Variants in NRG2 observed in about 807,000 individuals in gnomAD.
NRG2 encodes the protein neuregulin 2.
In NRG2, 27 loss-of-function variants were observed where a neutral mutation model predicts 73.9. The observed-to-expected ratio is 0.37, with a 90% CI of 0.27 to 0.50. The LOEUF (loss-of-function observed/expected upper bound fraction) is 0.50. Ranked by LOEUF, NRG2 falls within the 20% of genes least tolerant of loss-of-function variation. The probability of loss-of-function intolerance (pLI) is 0.96; values close to 1 mark genes in which losing one functional copy is unlikely to be tolerated. For missense variants in NRG2, 1,126 were observed against 1,210.1 expected (o/e 0.93, Z 1.03); for synonymous variants, 532 against 541.0 (o/e 0.98, Z 0.23).
chr5:139,886,347 G>A (rs1763869890), intron 2 of NRG2, among the ~76,000 whole-genome samples: 1 of 152,190 alleles, frequency 6.6e-6, no homozygotes, highest in Non-Finnish European at 1.5e-5. Context: ...GCAAACCCAA[G>A]CAGCCTGCCC....
At chr5:139,878,359 G>A (rs1763313708) in intron 3 of NRG2, among the ~76,000 whole-genome samples, 1 of 152,230 alleles carries the variant, frequency 6.6e-6, no homozygotes, top group Admixed American at 6.5e-5. Flanking sequence ...CCTTGTGACT[G>A]TACTTATGGA....
chr5:139,889,551 T>C (rs1484518352), intron 1 of NRG2, among the ~76,000 whole-genome samples: 1 of 152,222 alleles, frequency 6.6e-6, no homozygotes, highest in East Asian at 1.9e-4. Flanking sequence ...TCAGTTTTTC[T>C]TACAGCATCA....
chr5:140,024,028 A>G (rs1760460364), intron 1 of NRG2, among the ~76,000 whole-genome samples: 1 of 152,036 alleles, frequency 6.6e-6, no homozygotes, highest in South Asian at 2.1e-4. Context: ...ACAGACGTAA[A>G]ACTGACATCC....
chr5:139,904,058 C>T lies in NRG2; in HGVS notation c.701-16547G>A, dbSNP rs1483962731. Among the ~76,000 whole-genome samples, 1 of 152,194 alleles carries T rather than the reference C, an allele frequency of 6.6e-6. No homozygotes were observed. Among genetic ancestry groups the T allele is most frequent in the Non-Finnish European group, 1.5e-5 (1 of 68,024 alleles). On this transcript the variant is annotated intron_variant, in intron 1 of 9. Coordinates refer to ENST00000361474, the MANE Select transcript of NRG2 (RefSeq NM_004883.3). This position sits in a 1 kb window ranked among gnomAD's most constrained non-coding sequence, Gnocchi z 6.0. Reference sequence around the variant, plus strand: ...GTACCGGCGTGCAGCGCCTCTTGCCCGCCCCTGCGTGGGGACGCGGCCGCC... The same window carrying T: ...GTACCGGCGTGCAGCGCCTCTTGCCTGCCCCTGCGTGGGGACGCGGCCGCC...
intron 1 of NRG2, among the ~76,000 whole-genome samples, chr5:139,892,944 A>G (rs1764310276): frequency 1.3e-5 from 2 of 152,198 alleles, no homozygotes; most frequent in African/African-American, 4.8e-5. Flanking sequence ...CCAGACAGAA[A>G]TGATCCGCTG....
chr5:139,892,498 T>C (rs1364314294), intron 1 of NRG2, among the ~76,000 whole-genome samples: 2 of 152,194 alleles, frequency 1.3e-5, no homozygotes. Context: ...CAGACATTTA[T>C]GCATCCAGAG....
intron 1 of NRG2, among the ~76,000 whole-genome samples, chr5:139,926,039 G>T (rs888941844): frequency 1.3e-5 from 2 of 152,266 alleles, no homozygotes; most frequent in African/African-American, 4.8e-5. Context: ...CAATGTGGCT[G>T]TTGCAGCCTC....
chr5:139,977,316 G>A (rs1451034340), intron 1 of NRG2, among the ~76,000 whole-genome samples: 3 of 152,074 alleles, frequency 2.0e-5, no homozygotes, highest in African/African-American at 7.2e-5. Flanking sequence ...TGCTATAGAG[G>A]GGAATGATTA....
At chr5:139,937,882 C>G (rs1646431816) in intron 1 of NRG2, among the ~76,000 whole-genome samples, 1 of 152,076 alleles carries the variant, frequency 6.6e-6, no homozygotes, top group South Asian at 2.1e-4. Context: ...AAAACTCTTA[C>G]ACATACATTA....
At position 139,963,635 on chromosome 5, in the gene NRG2, C is replaced by T. The variant is rs578009166; in HGVS notation, c.701-76124G>A. Among the ~76,000 whole-genome samples the T allele has an allele frequency of 2.0e-5, 3 of 152,318 alleles. No homozygotes were observed. In the South Asian group the frequency reaches 6.2e-4, roughly 32 times the overall value. On this transcript the variant is annotated intron_variant, in intron 1 of 9. Transcript: ENST00000361474. ...TTTTCTTATTTGGTCTTCACAAGCA[C>T]CCTGTAGGTTATAGAAGAGGAAACT...
At chr5:139,890,335 G>A (rs1764125889) in intron 1 of NRG2, among the ~76,000 whole-genome samples, 1 of 152,052 alleles carries the variant, frequency 6.6e-6, no homozygotes, top group African/African-American at 2.4e-5. Flanking sequence ...TCATCCTAGT[G>A]ATTTGTAAGA....
intron 1 of NRG2, among the ~76,000 whole-genome samples, chr5:139,933,520 A>G (rs1752630115): frequency 6.6e-6 from 1 of 152,242 alleles, no homozygotes; most frequent in South Asian, 2.1e-4. Flanking sequence ...TAATAATAGA[A>G]GAGTCAATTC....
chr5:140,042,461 C>T lies in NRG2; in HGVS notation c.609G>A (p.Gln203=), dbSNP rs765089724. Reference sequence around the variant, plus strand: ...CAAAGGCCGTCTTAAAGACTAAGGGCTGTTCCGTGGGCTCCAGGAAAAAGA... The same window carrying T: ...CAAAGGCCGTCTTAAAGACTAAGGGTTGTTCCGTGGGCTCCAGGAAAAAGA... The part of the protein sequence containing the change: ...RYIFFLEPTE[Q]PLVFKTAFAP... The change falls in exon 1 of 10, where the codon CAG becomes CAA. Residue 203 remains glutamine (Q), a synonymous_variant. Transcript: ENST00000361474. The T allele has an allele frequency of 1.9e-6, 3 of 1,613,188 alleles. No homozygotes were observed. Among genetic ancestry groups the T allele is most frequent in the Non-Finnish European group, 2.5e-6 (3 of 1,179,692 alleles).
intron 1 of NRG2, among the ~76,000 whole-genome samples, chr5:140,029,003 G>A (rs1012425907): frequency 6.6e-6 from 1 of 152,200 alleles, no homozygotes; most frequent in Non-Finnish European, 1.5e-5. Flanking sequence ...TTATATGCTT[G>A]ACATGTCAGA....
chr5:140,020,572 G>C (rs1760139639), intron 1 of NRG2, among the ~76,000 whole-genome samples: 1 of 152,218 alleles, frequency 6.6e-6, no homozygotes. Context: ...GGACACATAT[G>C]TTCAAGCTAA....
intron 1 of NRG2, among the ~76,000 whole-genome samples, chr5:139,970,147 A>T (rs996693083): frequency 3.2e-4 from 49 of 152,320 alleles, no homozygotes; most frequent in Non-Finnish European, 2.5e-4. Flanking sequence ...GTATTACAAG[A>T]AGGCCTAAGA....
At position 140,035,561 on chromosome 5, in the gene NRG2, T is replaced by C. The variant is rs187254788; in HGVS notation, c.700+6809A>G. 2.0e-4 allele frequency among the ~76,000 whole-genome samples: 30 copies of C among 152,352 alleles called. 1 individual carries two copies. The East Asian group carries it at 5.4e-3, about 27-fold the overall frequency. On this transcript the variant is annotated intron_variant, in intron 1 of 9. Coordinates refer to ENST00000361474, the MANE Select transcript of NRG2 (RefSeq NM_004883.3). ...AAGAAAGTTATTTTTGTAATAAAAC[T>C]TTTGGGATACCAAATTGCATCACTG...
In NRG2 at chr5:139,887,233, G is replaced by T; in HGVS notation, c.872+107C>A. The T allele has an allele frequency of 7.6e-7, 1 of 1,315,074 alleles. No homozygotes were observed. Among genetic ancestry groups the T allele is most frequent in the Non-Finnish European group, 1.1e-6 (1 of 931,014 alleles). 81.5% of individuals were successfully genotyped at this position (1,315,074 alleles called of 1,614,324 possible). A position where few individuals can be genotyped will look rare whatever the true frequency, so the allele number is the denominator to read the frequency against. On this transcript the variant is annotated intron_variant, in intron 2 of 9. Coordinates refer to ENST00000361474, the MANE Select transcript of NRG2 (RefSeq NM_004883.3). This position sits in a 1 kb window ranked among gnomAD's most constrained non-coding sequence, Gnocchi z 4.5. ...GGAGAGGGGCTGGGACTGGTTCCAT[G>T]GGTGAGTCTGGGGGCACAGCCCTGG... is the stretch of plus-strand genomic sequence containing the variant.
intron 1 of NRG2, among the ~76,000 whole-genome samples, chr5:140,032,875 C>T (rs767963017): frequency 3.2e-4 from 49 of 152,212 alleles, no homozygotes; most frequent in Non-Finnish European, 6.2e-4. Context: ...GAAGAACCCC[C>T]AAATATATTA....
Sources: gnomAD v4.1 joint callset for allele counts (sites outside exome capture counted in the v4.1 genomes callset) on GRCh38, gnomAD v4.1.1 for gene constraint, Gnocchi (gnomAD v3.1) non-coding constraint, MANE v1.5 for transcripts, NCBI Gene and HGNC (gene_info 2026-07-23, HGNC 2026-07-21) for gene names.